NECAP2: variants seen among roughly 807,000 people sequenced by gnomAD.
NECAP2 encodes the protein adaptin ear-binding coat-associated protein 2.
Under a neutral mutation model 37.8 loss-of-function variants are expected in NECAP2, and 38 were observed. That is an observed-to-expected ratio of 1.01 (90% CI 0.78 to 1.32). The LOEUF (loss-of-function observed/expected upper bound fraction) is 1.32. Among genes scored for constraint, NECAP2 ranks in the 40% most tolerant of loss-of-function variants. NECAP2 has a pLI of 0.00. For synonymous variants in NECAP2, 121 were observed against 127.7 expected (o/e 0.95, Z 0.35); for missense variants, 316 against 334.5 (o/e 0.94, Z 0.43).
chr1:16,455,223 AGCAG>A lies in NECAP2; in HGVS notation c.668-591_668-588del, dbSNP rs2086899532. Among the ~76,000 whole-genome samples the A allele has an allele frequency of 2.6e-5, 4 of 152,366 alleles. No homozygotes were observed. The South Asian group carries it at 8.3e-4, about 32-fold the overall frequency. ...GGGGGAGGTGCCTGAAAAGCACAAAAGCAGGCATTGCAGCCCCATGGCGTCGCCT... is the reference window on the plus strand; with the variant it reads ...GGGGGAGGTGCCTGAAAAGCACAAAAGCATTGCAGCCCCATGGCGTCGCCT... On this transcript the variant is annotated intron_variant, in intron 6 of 7. Coordinates refer to ENST00000337132, the MANE Select transcript of NECAP2 (RefSeq NM_018090.5).
At chr1:16,453,490 T>C (rs769304119) in intron 6 of NECAP2, among the ~76,000 whole-genome samples, 2 of 151,988 alleles carry the variant, frequency 1.3e-5, no homozygotes, top group Non-Finnish European at 2.9e-5. Context: ...AGGTTGCTGA[T>C]GGATATTTAT....
rs1415838310 is a variant in NECAP2, at chr1:16,443,699, A to G, written c.160A>G (p.Met54Val). ...GCTGAGGATCACTGCAAAGGGACAG[A>G]TGGCCTACATCAAGCTGGAGGACAG... ...GRLRITAKGQ[M>V]AYIKLEDRTS... The change falls in exon 2 of 8, where the codon ATG (methionine) becomes GTG (valine). Residue 54 changes from methionine to valine, a missense_variant. Physicochemically the swap from Met to Val is conservative, Grantham distance 21. Around this residue, in one of 3 missense-constraint regions of NECAP2, gnomAD observed 81 missense variants for 124.2 expected, o/e 0.65. Transcript: ENST00000337132. 1.2e-6 allele frequency: 2 copies of G among 1,612,984 alleles called. No homozygotes were observed. Among genetic ancestry groups the G allele is most frequent in the East Asian group, 4.5e-5 (2 of 44,888 alleles).
intron 4 of NECAP2, among the ~76,000 whole-genome samples, chr1:16,448,844 A>G (rs1276804097): frequency 6.6e-6 from 1 of 152,190 alleles, no homozygotes; most frequent in Non-Finnish European, 1.5e-5. Flanking sequence ...CTGCATTCGT[A>G]GCCATCTTGA....
At chr1:16,450,253 T>TTG (rs1553169495) in intron 5 of NECAP2, 10 of 394,170 alleles carry the variant, frequency 2.5e-5, no homozygotes, top group Non-Finnish European at 3.9e-5. Flanking sequence ...TAGTGGTTTT[T>TTG]TTTTGTTTTG....
intron 5 of NECAP2, chr1:16,450,389 G>T: frequency 3.2e-6 from 1 of 309,466 alleles, no homozygotes; most frequent in Non-Finnish European, 6.3e-6. Context: ...GACTTGCCCA[G>T]GGTCACAGAG....
At position 16,449,271 on chromosome 1, in the gene NECAP2, C is replaced by G. The variant is rs2086807798; in HGVS notation, c.489+70C>G. ...CCACCCAGCCCCAGAGCCCATTGCT[C>G]TTCTTACAGTTCAGCTCCTTCAGTT... On this transcript the variant is annotated intron_variant, in intron 5 of 7. Coordinates refer to ENST00000337132, the MANE Select transcript of NECAP2 (RefSeq NM_018090.5). 11 of 1,033,626 alleles carry G rather than the reference C, an allele frequency of 1.1e-5. No homozygotes were observed. In the South Asian group the frequency reaches 1.4e-4, roughly 14 times the overall value. 64.0% of individuals were successfully genotyped at this position (1,033,626 alleles called of 1,614,324 possible).
chr1:16,455,609 G>A lies in NECAP2; in HGVS notation c.668-209G>A, dbSNP rs1282576058. 8.9e-6 allele frequency: 5 copies of A among 562,578 alleles called. No individual in the cohort carries two copies. The Admixed American group carries it at 9.0e-5, about 10-fold the overall frequency. 34.8% of individuals were successfully genotyped at this position (562,578 alleles called of 1,614,324 possible). ...TGGCTTTCTGCGTTTTCTCCAGAGC[G>A]CACAAGGGCTGGTGAGAAGATGCTG... is the stretch of plus-strand genomic sequence containing the variant. On this transcript the variant is annotated intron_variant, in intron 6 of 7. Coordinates refer to ENST00000337132, the MANE Select transcript of NECAP2 (RefSeq NM_018090.5).
intron 2 of NECAP2, 131 bp downstream of exon 2, chr1:16,443,863 C>T (rs1323057169): frequency 2.9e-6 from 2 of 685,884 alleles, no homozygotes; most frequent in East Asian, 2.7e-5. Flanking sequence ...CGTGTGTGTA[C>T]CTTTAAGCTG....
rs1283804491 is a variant in NECAP2 at position 16,459,783 on chromosome 1, G to T, written c.*893G>T. 1 of 152,268 alleles carries T rather than the reference G, an allele frequency of 6.6e-6. No homozygotes were observed. Among genetic ancestry groups the T allele is most frequent in the Admixed American group, 6.5e-5 (1 of 15,284 alleles). The allele number at this position is 152,268 out of a possible 1,614,324, so 9.4% of individuals were successfully genotyped here. A position where few individuals can be genotyped will look rare whatever the true frequency, so the allele number is the denominator to read the frequency against. On this transcript the variant is annotated 3_prime_UTR_variant, in exon 8 of 8. Transcript: ENST00000337132. ...TCACATGTTCACAGTGCAGCTCCTG[G>T]CAGACTTGGGTTTTCTCTTTGGTGG...
rs2086684132 is a variant in NECAP2, at chr1:16,441,087, G to A, written c.92+234G>A. The A allele has an allele frequency of 5.5e-6, 3 of 549,226 alleles. No homozygotes were observed. In the East Asian group the frequency reaches 8.9e-5, roughly 16 times the overall value. 34.0% of individuals were successfully genotyped at this position (549,226 alleles called of 1,614,324 possible). A position where few individuals can be genotyped will look rare whatever the true frequency, so the allele number is the denominator to read the frequency against. On this transcript the variant is annotated intron_variant, in intron 1 of 7. Coordinates refer to ENST00000337132, the MANE Select transcript of NECAP2 (RefSeq NM_018090.5). ...GGGGAGGGCGTTAAAGCCGTATCTAGCGCTTAGGGACCCCGGTGGGCTGCC... is the reference window on the plus strand; with the variant it reads ...GGGGAGGGCGTTAAAGCCGTATCTAACGCTTAGGGACCCCGGTGGGCTGCC...
rs769703398 is a variant in NECAP2 at position 16,455,906 on chromosome 1, A to G, written c.743+13A>G. 1 of 1,610,312 alleles carries G rather than the reference A, an allele frequency of 6.2e-7. No homozygotes were observed. Among genetic ancestry groups the G allele is most frequent in the Non-Finnish European group, 8.5e-7 (1 of 1,176,640 alleles). On this transcript the variant is annotated intron_variant, in intron 7 of 7. Transcript: ENST00000337132. ...CCAAATCTACAGGGTAAGGAGGGCC[A>G]TGTTCTGCGGAGGGGCTGGGGCCAG...
At chr1:16,447,764 C>T (rs1202705708) in intron 2 of NECAP2, 106 bp from the exon 3 acceptor site, 2 of 848,908 alleles carry the variant, frequency 2.4e-6, no homozygotes, top group Non-Finnish European at 4.1e-6. Flanking sequence ...CGATCTGTCT[C>T]AGCTGGTTAG....
chr1:16,453,846 G>A (rs1280162404), intron 6 of NECAP2, among the ~76,000 whole-genome samples: 1 of 152,028 alleles, frequency 6.6e-6, no homozygotes, highest in Non-Finnish European at 1.5e-5. Flanking sequence ...TGTGTGCCAG[G>A]TAGAGTTCTA....
chr1:16,442,489 A>G (rs947740879), intron 1 of NECAP2, among the ~76,000 whole-genome samples: 2 of 152,246 alleles, frequency 1.3e-5, no homozygotes, highest in Non-Finnish European at 2.9e-5. Flanking sequence ...GCATTTGTGC[A>G]GCCCTCAAGA....
intron 7 of NECAP2, among the ~76,000 whole-genome samples, chr1:16,456,585 C>T (rs1173049121): frequency 1.3e-5 from 2 of 152,204 alleles, no homozygotes; most frequent in Non-Finnish European, 2.9e-5. Flanking sequence ...AGCCCATCCT[C>T]ATAGAACGCC....
chr1:16,450,247 G>GT (rs2086821309), intron 5 of NECAP2: 3 of 369,910 alleles, frequency 8.1e-6, no homozygotes, highest in East Asian at 8.6e-5. Flanking sequence ...GCCAGGTAGT[G>GT]GTTTTTTTTT....
At chr1:16,455,172 C>T (rs553605415) in intron 6 of NECAP2, among the ~76,000 whole-genome samples, 2 of 152,298 alleles carry the variant, frequency 1.3e-5, no homozygotes, top group South Asian at 4.1e-4. Flanking sequence ...AAACACAGGC[C>T]CTTCAGAAGG....
At chr1:16,453,711 T>A (rs1285432664) in intron 6 of NECAP2, among the ~76,000 whole-genome samples, 1 of 151,898 alleles carries the variant, frequency 6.6e-6, no homozygotes, top group Non-Finnish European at 1.5e-5. Flanking sequence ...ATGGTCTCGA[T>A]CTCCTGACCT....
At chr1:16,446,905 C>A (rs1020859376) in intron 2 of NECAP2, among the ~76,000 whole-genome samples, 2 of 151,804 alleles carry the variant, frequency 1.3e-5, no homozygotes, top group Non-Finnish European at 2.9e-5. Flanking sequence ...ACTAAAAATA[C>A]AAAAATTAGT....
Sources: gnomAD v4.1 joint callset for allele counts (sites outside exome capture counted in the v4.1 genomes callset) on GRCh38, gnomAD v4.1.1 for gene constraint, gnomAD v4.1.1 regional missense constraint, MANE v1.5 for transcripts, NCBI Gene and HGNC (gene_info 2026-07-23, HGNC 2026-07-21) for gene names.